TNFSF13B: variants seen among roughly 807,000 people sequenced by gnomAD.
The protein encoded by TNFSF13B is tumor necrosis factor ligand superfamily member 13B.
Under a neutral mutation model 29.1 loss-of-function variants are expected in TNFSF13B, and 8 were observed. The observed-to-expected ratio is 0.27, with a 90% CI of 0.16 to 0.50. The LOEUF is 0.50. Ranked by LOEUF, TNFSF13B falls within the 20% of genes least tolerant of loss-of-function variation. The pLI is 0.98. For missense variants in TNFSF13B, 248 were observed against 334.9 expected, an observed-to-expected ratio of 0.74 and a Z score of 2.03; for synonymous variants, 125 against 130.8, an observed-to-expected ratio of 0.96 and a Z score of 0.30.
intron 2 of TNFSF13B, among the ~76,000 whole-genome samples, chr13:108,270,692 T>TA (rs1880588967): frequency 6.6e-6 from 1 of 152,088 alleles, no homozygotes; most frequent in African/African-American, 2.4e-5. Flanking sequence ...GCATTAAGCA[T>TA]AGAGGAGATA....
At chr13:108,284,291 T>G (rs937395900) in intron 2 of TNFSF13B, among the ~76,000 whole-genome samples, 3 of 152,094 alleles carry the variant, frequency 2.0e-5, no homozygotes, top group Non-Finnish European at 4.4e-5. Flanking sequence ...ATCGCGCCAC[T>G]GCACTCCAGC....
At position 108,269,873 on chromosome 13, in the gene TNFSF13B, A is replaced by G. The variant is rs200384644; in HGVS notation, c.-23A>G. 1.3e-5 allele frequency: 20 copies of G among 1,571,892 alleles called. No homozygotes were observed. In the East Asian group the frequency reaches 3.1e-4, roughly 25 times the overall value. ...GTGGTCACTTATTCTAAAGGCCCCA[A>G]CCTTCAAAGTTCAAGTAGTGATATG... On this transcript the variant is annotated 5_prime_UTR_variant, in exon 1 of 6. Transcript: ENST00000375887.
chr13:108,270,926 GTTTA>G (rs1226532814), intron 2 of TNFSF13B, among the ~76,000 whole-genome samples: 1 of 151,622 alleles, frequency 6.6e-6, no homozygotes, highest in Admixed American at 6.6e-5. Context: ...CTTTAATTTT[GTTTA>G]TTTGTTAAAA....
At chr13:108,289,692 C>G (rs1330284325) in intron 3 of TNFSF13B, among the ~76,000 whole-genome samples, 1 of 150,212 alleles carries the variant, frequency 6.7e-6, no homozygotes, top group African/African-American at 2.4e-5. Flanking sequence ...TTATACATAA[C>G]ATCAGGTCTT....
intron 2 of TNFSF13B, among the ~76,000 whole-genome samples, chr13:108,275,249 C>A (rs1768705678): frequency 6.6e-6 from 1 of 152,020 alleles, no homozygotes; most frequent in Non-Finnish European, 1.5e-5. Context: ...CAAATGGAAT[C>A]ATGAAGATCC....
intron 3 of TNFSF13B, among the ~76,000 whole-genome samples, chr13:108,300,304 A>C (rs926404694): frequency 6.6e-6 from 1 of 152,222 alleles, no homozygotes; most frequent in Non-Finnish European, 1.5e-5. Flanking sequence ...CTGCATGTCT[A>C]CTGTGGGTCA....
At position 108,307,070 on chromosome 13, in the gene TNFSF13B, T is replaced by C. The variant is rs1257275189; in HGVS notation, c.*132T>C. On this transcript the variant is annotated 3_prime_UTR_variant, in exon 6 of 6. Coordinates refer to ENST00000375887, the MANE Select transcript of TNFSF13B (RefSeq NM_006573.5). Reference sequence around the variant, plus strand: ...AAAGTAGTTACCATTGCCTTTTCTGTGAGCTATTTGTTTTGGTTTGCTGAA... The same window carrying C: ...AAAGTAGTTACCATTGCCTTTTCTGCGAGCTATTTGTTTTGGTTTGCTGAA... The C allele has an allele frequency of 3.2e-6, 2 of 624,898 alleles. No individual in the cohort carries two copies. The highest frequency in any genetic ancestry group is 7.4e-5 in the Admixed American group (2 of 26,928). 38.7% of individuals were successfully genotyped at this position (624,898 alleles called of 1,614,324 possible). A position where few individuals can be genotyped will look rare whatever the true frequency, so the allele number is the denominator to read the frequency against.
intron 3 of TNFSF13B, among the ~76,000 whole-genome samples, chr13:108,291,332 G>T (rs1171711728): frequency 1.3e-5 from 2 of 151,574 alleles, no homozygotes; most frequent in Admixed American, 1.3e-4. Context: ...ATACCCTCAT[G>T]ATAACAGATG....
Position 108,308,400 on chromosome 13 carries a change from T to C in TNFSF13B, c.*1462T>C, listed in dbSNP as rs1323861567. 2 of 152,160 alleles carry C rather than the reference T, an allele frequency of 1.3e-5. No homozygotes were observed. Among genetic ancestry groups the C allele is most frequent in the Non-Finnish European group, 2.9e-5 (2 of 68,002 alleles). The allele number at this position is 152,160 out of a possible 1,614,324, so 9.4% of individuals were successfully genotyped here. On this transcript the variant is annotated 3_prime_UTR_variant, in exon 6 of 6. Coordinates refer to ENST00000375887, the MANE Select transcript of TNFSF13B (RefSeq NM_006573.5). ...AAGCGATAAGTGGAGTCAGTTTCAA[T>C]GCTAGGTGGGGTGGTTAATGATTTT...
chr13:108,275,947 T>A (rs9559286), intron 2 of TNFSF13B, among the ~76,000 whole-genome samples: 1 of 152,254 alleles, frequency 6.6e-6, no homozygotes, highest in African/African-American at 2.4e-5. Context: ...CCAAATATTA[T>A]ACCTTAAGTT....
At chr13:108,289,342 A>G (rs1389805596) in intron 3 of TNFSF13B, among the ~76,000 whole-genome samples, 1 of 151,902 alleles carries the variant, frequency 6.6e-6, no homozygotes, top group African/African-American at 2.4e-5. Flanking sequence ...AACCTTTAGG[A>G]TGGACAGGTT....
rs1433106251 is a variant in TNFSF13B at position 108,303,568 on chromosome 13, C to A, written c.709C>A (p.Pro237Thr). The A allele has an allele frequency of 1.9e-6, 3 of 1,613,374 alleles. No individual in the cohort carries two copies. The highest frequency in any genetic ancestry group is 1.7e-5 in the Admixed American group (1 of 59,928). The change falls in exon 5 of 6, where the codon CCT (proline) becomes ACT (threonine). Residue 237 changes from proline to threonine, a missense_variant. Pro to Thr is a conservative substitution (Grantham distance 38, BLOSUM62 -1). Around this residue, in one of 2 missense-constraint regions of TNFSF13B, gnomAD observed 62 missense variants for 138.6 expected, o/e 0.45. Transcript: ENST00000375887. ...VTLFRCIQNMPETLPNNSCYS... is the reference protein window; with the variant it reads ...VTLFRCIQNMTETLPNNSCYS... ...TTTGTTTCGATGTATTCAAAATATG[C>A]CTGAAACACTACCCAATAATTCCTG... is the stretch of plus-strand genomic sequence containing the variant.
intron 3 of TNFSF13B, among the ~76,000 whole-genome samples, chr13:108,299,611 C>T (rs1417496417): frequency 6.6e-6 from 1 of 151,856 alleles, no homozygotes; most frequent in African/African-American, 2.4e-5. Context: ...ACAGAGATTT[C>T]GTTAAACATT....
rs369599684 is a variant in TNFSF13B at position 108,306,932 on chromosome 13, G to T, written c.852G>T (p.Leu284=). 7.7e-6 allele frequency: 12 copies of T among 1,563,730 alleles called. No individual in the cohort carries two copies. The African/African-American group carries it at 1.5e-4, about 19-fold the overall frequency. ...GDVTFFGALK[L]L ...TCACATTTTTTGGTGCATTGAAACT[G>T]CTGTGACCTACTTACACCATGTCTG... The change falls in exon 6 of 6, where the codon CTG becomes CTT. Residue 284 remains leucine, a synonymous_variant. Transcript: ENST00000375887.
chr13:108,296,340 C>A (rs1312467186), intron 3 of TNFSF13B, among the ~76,000 whole-genome samples: 5 of 145,824 alleles, frequency 3.4e-5, no homozygotes, highest in South Asian at 2.1e-4. Flanking sequence ...TTAATACTCT[C>A]TTTGTTTCAT....
At chr13:108,295,533 T>A (rs144475654) in intron 3 of TNFSF13B, among the ~76,000 whole-genome samples, 1 of 144,940 alleles carries the variant, frequency 6.9e-6, no homozygotes, top group Admixed American at 6.8e-5. Flanking sequence ...TATTATTACC[T>A]TCTTTATTAT....
At chr13:108,271,075 C>T (rs191811017) in intron 2 of TNFSF13B, among the ~76,000 whole-genome samples, 1 of 152,098 alleles carries the variant, frequency 6.6e-6, no homozygotes, top group Non-Finnish European at 1.5e-5. Flanking sequence ...TGATTTCTGA[C>T]TTTCTTCATG....
chr13:108,303,152 T>C (rs1485820771), intron 3 of TNFSF13B, 101 bp from the exon 4 acceptor site: 4 of 763,844 alleles, frequency 5.2e-6, no homozygotes, highest in Admixed American at 3.0e-5. Flanking sequence ...TTTTTTAGGA[T>C]GGAATTATCT....
At chr13:108,284,462 G>A (rs187606171) in intron 2 of TNFSF13B, among the ~76,000 whole-genome samples, 2 of 152,312 alleles carry the variant, frequency 1.3e-5, no homozygotes, top group Admixed American at 1.3e-4. Flanking sequence ...CAGTTGGGCA[G>A]CATGTTTCCA....
Sources: allele counts gnomAD v4.1 joint callset (sites outside exome capture counted in the v4.1 genomes callset), GRCh38; gene constraint gnomAD v4.1.1; regional missense constraint gnomAD v4.1.1; transcripts MANE v1.5; gene names NCBI Gene and HGNC (gene_info 2026-07-23, HGNC 2026-07-21).